Variants in MYBPC1 observed in about 807,000 individuals in gnomAD.
The protein encoded by MYBPC1 is myosin binding protein C1.
In MYBPC1, 52 loss-of-function variants were observed where a neutral mutation model predicts 147.1. The observed-to-expected ratio is 0.35, with a 90% CI of 0.28 to 0.45. The LOEUF (loss-of-function observed/expected upper bound fraction) is 0.45, where lower values mean the gene tolerates loss of function less well. Ranked by LOEUF, MYBPC1 falls within the 20% of genes least tolerant of loss-of-function variation. MYBPC1 has a pLI of 1.00. For synonymous variants in MYBPC1, 477 were observed against 475.9 expected (o/e 1.00, Z -0.03); for missense variants, 1,228 against 1,440.3 (o/e 0.85, Z 2.39).
At chr12:101,617,532 AAG>A (rs1446228010) in intron 3 of MYBPC1, among the ~76,000 whole-genome samples, 9 of 152,236 alleles carry the variant, frequency 5.9e-5, no homozygotes, top group African/African-American at 2.2e-4. Context: ...CATGCTAAGA[AAG>A]AGAGGTGTTT....
intron 1 of MYBPC1, among the ~76,000 whole-genome samples, chr12:101,596,585 A>G (rs1877348791): frequency 1.3e-5 from 2 of 152,244 alleles, no homozygotes; most frequent in Admixed American, 1.3e-4. Context: ...AAATGAGAAG[A>G]AAGCTGAAAA....
chr12:101,661,337 A>G, intron 20 of MYBPC1, 75 bp downstream of exon 20: 1 of 892,748 alleles, frequency 1.1e-6, no homozygotes, highest in East Asian at 2.5e-5. Flanking sequence ...TACAGAGCAC[A>G]TTTTAAAGTA....
chr12:101,674,359 T>A (rs1899382800), intron 25 of MYBPC1, among the ~76,000 whole-genome samples: 2 of 152,090 alleles, frequency 1.3e-5, no homozygotes, highest in Non-Finnish European at 2.9e-5. Context: ...AATGAAGAAT[T>A]TTTTTTAATA....
intron 14 of MYBPC1, among the ~76,000 whole-genome samples, chr12:101,648,586 C>T (rs901382762): frequency 3.9e-5 from 6 of 152,076 alleles, no homozygotes; most frequent in African/African-American, 1.2e-4. Flanking sequence ...TGTGTTAATT[C>T]GGTTTTAGAA....
At chr12:101,673,141 G>A (rs1311548347) in intron 24 of MYBPC1, among the ~76,000 whole-genome samples, 1 of 152,126 alleles carries the variant, frequency 6.6e-6, no homozygotes, top group Non-Finnish European at 1.5e-5. Flanking sequence ...CCTAACTGCA[G>A]GACCTTGGAC....
intron 9 of MYBPC1, among the ~76,000 whole-genome samples, chr12:101,636,143 A>T (rs1400359867): frequency 1.3e-5 from 2 of 152,070 alleles, no homozygotes; most frequent in Non-Finnish European, 2.9e-5. Flanking sequence ...CTCCTTTTTT[A>T]TTTTTGCCAT....
chr12:101,684,565 T>C (rs866886156), intron 31 of MYBPC1, 141 bp downstream of exon 31: 2 of 668,020 alleles, frequency 3.0e-6, no homozygotes, highest in Middle Eastern at 4.2e-4. Flanking sequence ...AGTTTTAATT[T>C]GTATTTCACT....
In MYBPC1 at chr12:101,600,931, T is replaced by A. The variant is rs1879669208; in HGVS notation, c.25+5836T>A. On this transcript the variant is annotated intron_variant, in intron 1 of 31. Coordinates refer to ENST00000361466, the MANE Select transcript of MYBPC1 (RefSeq NM_002465.4). ...TACCTGAGAGCATGTGGCCACATCT[T>A]CTTTGTTATTATTCCATGTTAGTTC... Among the ~76,000 whole-genome samples, 4 of 152,214 alleles carry A rather than the reference T, an allele frequency of 2.6e-5. 1 individual carries two copies. In the South Asian group the frequency reaches 8.3e-4, roughly 31 times the overall value.
intron 1 of MYBPC1, among the ~76,000 whole-genome samples, chr12:101,608,284 G>A (rs1883016040): frequency 6.6e-6 from 1 of 152,130 alleles, no homozygotes; most frequent in African/African-American, 2.4e-5. Flanking sequence ...TCATTTTTAG[G>A]TTGTCCCTTA....
At chr12:101,635,554 C>T (rs1003300599) in intron 9 of MYBPC1, among the ~76,000 whole-genome samples, 8 of 151,904 alleles carry the variant, frequency 5.3e-5, no homozygotes, top group Admixed American at 6.6e-5. Context: ...TATTACTTTC[C>T]TTCCACTTTC....
Position 101,669,019 on chromosome 12 carries a change from G to A in MYBPC1, c.2524+1120G>A, listed in dbSNP as rs570433336. ...GGAGAATCACTTGAACCCAGGAGGC[G>A]GAGGCTGCAGTGAGCCAAGATCACG... On this transcript the variant is annotated intron_variant, in intron 23 of 31. Transcript: ENST00000361466. Among the ~76,000 whole-genome samples the A allele has an allele frequency of 1.5e-4, 23 of 152,178 alleles. No homozygotes were observed. In the East Asian group the frequency reaches 1.8e-3, roughly 12 times the overall value.
chr12:101,661,334 C>A, intron 20 of MYBPC1, 72 bp downstream of exon 20: 1 of 961,390 alleles, frequency 1.0e-6, no homozygotes, highest in Non-Finnish European at 1.7e-6. Flanking sequence ...TAGTACAGAG[C>A]ACATTTTAAA....
At chr12:101,635,257 C>T (rs1890758323) in intron 9 of MYBPC1, among the ~76,000 whole-genome samples, 1 of 152,082 alleles carries the variant, frequency 6.6e-6, no homozygotes, top group Non-Finnish European at 1.5e-5. Flanking sequence ...CCCTTCCTGT[C>T]ATTATGTTAT....
chr12:101,692,430 G>A, the MYBPC1 span, among the ~76,000 whole-genome samples: 1 of 152,136 alleles, frequency 6.6e-6, no homozygotes, highest in African/African-American at 2.4e-5. Context: ...TGCAGTCGTT[G>A]GGAACATAAG....
At chr12:101,694,745 G>A in the MYBPC1 span, among the ~76,000 whole-genome samples, 1 of 122,226 alleles carries the variant, frequency 8.2e-6, no homozygotes, top group African/African-American at 3.4e-5. Flanking sequence ...AATCCAAGCT[G>A]ACTAATACAT....
At chr12:101,611,310 A>G (rs1884203027) in intron 1 of MYBPC1, among the ~76,000 whole-genome samples, 1 of 152,252 alleles carries the variant, frequency 6.6e-6, no homozygotes, top group Non-Finnish European at 1.5e-5. Context: ...TATCATTTTG[A>G]TTTTTGGTCT....
At chr12:101,646,372 C>T (rs12307024) in intron 12 of MYBPC1, among the ~76,000 whole-genome samples, 1,676 of 152,066 alleles carry the variant, frequency 0.011, 19 homozygotes, top group African/African-American at 0.038. Context: ...CCCTGCTGGG[C>T]ACGATGGCTC....
At chr12:101,627,022 A>G (rs1888766660) in intron 4 of MYBPC1, 112 bp downstream of exon 4, 1 of 1,015,038 alleles carries the variant, frequency 9.9e-7, no homozygotes, top group Non-Finnish European at 1.5e-6. Flanking sequence ...GAGCAGGGGC[A>G]ACAGTTTTCG....
At chr12:101,602,471 C>A (rs533606621) in intron 1 of MYBPC1, among the ~76,000 whole-genome samples, 1 of 152,326 alleles carries the variant, frequency 6.6e-6, no homozygotes, top group Non-Finnish European at 1.5e-5. Context: ...CCTGCCTCGG[C>A]CTCCCAAAGT....
Sources: allele counts gnomAD v4.1 joint callset (sites outside exome capture counted in the v4.1 genomes callset), GRCh38; gene constraint gnomAD v4.1.1; transcripts MANE v1.5; gene names NCBI Gene and HGNC (gene_info 2026-07-23, HGNC 2026-07-21).